The following PTK2 variants were observed in gnomAD, a reference collection of about 807,000 sequenced individuals.
PTK2 encodes protein tyrosine kinase 2.
A neutral mutation model predicts 150.1 loss-of-function variants in PTK2; 45 were observed. The observed-to-expected ratio is 0.30, with a 90% CI of 0.24 to 0.38. The LOEUF (loss-of-function observed/expected upper bound fraction) is 0.38, where lower values mean the gene tolerates loss of function less well. Ranked by LOEUF, PTK2 falls within the 10% of genes least tolerant of loss-of-function variation. PTK2 has a pLI of 1.00. For synonymous variants in PTK2, 432 were observed against 449.2 expected (o/e 0.96, Z 0.48); for missense variants, 919 against 1,307.3 (o/e 0.70, Z 4.58).
chr8:140,709,643 A>C (rs1319610518), intron 23 of PTK2, among the ~76,000 whole-genome samples: 1 of 152,210 alleles, frequency 6.6e-6, no homozygotes, highest in Non-Finnish European at 1.5e-5. Flanking sequence ...TAAATATGTT[A>C]ATATATGTCA....
chr8:140,725,480 T>A (rs778718017), intron 22 of PTK2, among the ~76,000 whole-genome samples: 3 of 152,188 alleles, frequency 2.0e-5, no homozygotes, highest in Non-Finnish European at 4.4e-5. Context: ...AGAACGGCAC[T>A]GGGTGGGTCC....
Position 140,744,709 on chromosome 8 carries a change from T to C in PTK2, c.1577A>G (p.Tyr526Cys). The stretch of plus-strand genomic sequence containing the variant: ...AAGAGCTGTACTAAGCTGATAGGCA[T>C]ACAGGATCAAAGATGCTAGATCCAA... The change falls in exon 19 of 32, where the codon TAT becomes TGT. Residue 526 changes from tyrosine to cysteine, a missense_variant. Tyr to Cys is a radical substitution (Grantham distance 194). Coordinates refer to ENST00000522684, the Ensembl canonical transcript of PTK2. 1 of 1,607,702 alleles carries C rather than the reference T, an allele frequency of 6.2e-7. No individual in the cohort carries two copies. Among genetic ancestry groups the C allele is most frequent in the Non-Finnish European group, 8.5e-7 (1 of 1,177,716 alleles).
rs201028978 is a variant in PTK2, at chr8:140,725,888, GA to G, written c.2031-8180del. Among the ~76,000 whole-genome samples the G allele has an allele frequency of 4.4e-3, 662 of 150,090 alleles. 5 individuals are homozygous for G. Among genetic ancestry groups the G allele is most frequent in the African/African-American group, 0.016 (638 of 40,976 alleles). On this transcript the variant is annotated intron_variant, in intron 22 of 31. Transcript: ENST00000522684. Reference sequence around the variant, plus strand: ...TAAAAATGTGACCCATTCTCAAGAGGAAAAAAAATTAAAGGAGGCTGATTCT... The same window carrying G: ...TAAAAATGTGACCCATTCTCAAGAGGAAAAAAATTAAAGGAGGCTGATTCT...
chr8:140,664,188 T>C (rs1445503330), intron 31 of PTK2, among the ~76,000 whole-genome samples: 3 of 152,344 alleles, frequency 2.0e-5, no homozygotes, highest in East Asian at 1.9e-4. Flanking sequence ...TTCATCATGT[T>C]GGCCAGGATG....
chr8:140,670,520 CACACACACACACACACACAT>C (rs2095124325), intron 29 of PTK2, among the ~76,000 whole-genome samples: 1 of 122,664 alleles, frequency 8.2e-6, no homozygotes, highest in East Asian at 2.5e-4. Context: ...CACACACACA[CACACACACACACACACACAT>C]TGGGAGCTTA....
At chr8:140,770,907 A>G (rs2154558301) in intron 14 of PTK2, 108 bp from the exon 15 acceptor site, 2 of 349,218 alleles carry the variant, frequency 5.7e-6, no homozygotes, top group Middle Eastern at 7.3e-4. Context: ...CAGATACAAA[A>G]TTGCAATGCT....
chr8:140,912,512 T>A (rs889786359), intron 2 of PTK2, among the ~76,000 whole-genome samples: 1 of 151,610 alleles, frequency 6.6e-6, no homozygotes, highest in Non-Finnish European at 1.5e-5. Flanking sequence ...CTATAATTCA[T>A]CACATTATAA....
upstream of PTK2, among the ~76,000 whole-genome samples, chr8:141,001,536 T>A (rs2154610606): frequency 6.6e-6 from 1 of 151,972 alleles, no homozygotes; most frequent in Non-Finnish European, 1.5e-5. Context: ...AGGAAAGCCC[T>A]GGTCTCGGGG....
intron 2 of PTK2, among the ~76,000 whole-genome samples, chr8:140,893,781 T>C (rs1398671827): frequency 1.3e-5 from 2 of 152,238 alleles, no homozygotes; most frequent in Admixed American, 6.5e-5. Context: ...TTTTATGTTA[T>C]GGGAATTTTA....
intron 1 of PTK2, among the ~76,000 whole-genome samples, chr8:140,953,193 C>A (rs1203709947): frequency 1.3e-5 from 2 of 151,898 alleles, no homozygotes; most frequent in East Asian, 1.9e-4. Flanking sequence ...TGCTCCTAGT[C>A]CCCCCCAGTA....
At chr8:140,921,666 A>C (rs932522087) in intron 2 of PTK2, among the ~76,000 whole-genome samples, 9 of 152,186 alleles carry the variant, frequency 5.9e-5, no homozygotes, top group African/African-American at 2.2e-4. Context: ...TAAAATCAAG[A>C]ATTTGAGGTA....
At chr8:140,826,085 T>C (rs2100111618) in intron 8 of PTK2, among the ~76,000 whole-genome samples, 1 of 152,096 alleles carries the variant, frequency 6.6e-6, no homozygotes, top group South Asian at 2.1e-4. Flanking sequence ...TCTACGAATA[T>C]AAATAGAAAG....
intron 14 of PTK2, among the ~76,000 whole-genome samples, chr8:140,773,932 C>G (rs533651636): frequency 6.6e-6 from 1 of 152,276 alleles, no homozygotes; most frequent in African/African-American, 2.4e-5. Flanking sequence ...AAGCCCCATA[C>G]TCCTGCCTCT....
rs57247522 is a variant in PTK2, at chr8:140,670,488, A to AACACACACAC, written c.2710-2074_2710-2065dup. The stretch of plus-strand genomic sequence containing the variant: ...AAAAAAAAAAAAAAAAAAAAACAAC[A>AACACACACAC]ACACACACACACACACACACACACA... On this transcript the variant is annotated intron_variant, in intron 29 of 31. Coordinates refer to ENST00000522684, the Ensembl canonical transcript of PTK2. Among the ~76,000 whole-genome samples, 144 of 38,966 alleles carry AACACACACAC rather than the reference A, an allele frequency of 3.7e-3. 4 individuals are homozygous for AACACACACAC. The highest frequency in any genetic ancestry group is 9.2e-3 in the African/African-American group (121 of 13,102). 25.6% of individuals were successfully genotyped at this position (38,966 alleles called of 152,430 possible).
At chr8:140,726,518 A>G (rs960029562) in intron 22 of PTK2, among the ~76,000 whole-genome samples, 1 of 152,206 alleles carries the variant, frequency 6.6e-6, no homozygotes, top group Non-Finnish European at 1.5e-5. Flanking sequence ...CCAGAGAAAA[A>G]CACACACTGC....
rs377287694 is a variant in PTK2 at position 140,731,865 on chromosome 8, C to T, written c.2030+3386G>A. On this transcript the variant is annotated intron_variant, in intron 22 of 31. Coordinates refer to ENST00000522684, the Ensembl canonical transcript of PTK2. ...TTGCAGGCAGCAGAGATGGTGCCAC[C>T]GCACTCTAGCCTGGGCAACAGAGGA... 1.2e-3 allele frequency among the ~76,000 whole-genome samples: 190 copies of T among 152,102 alleles called. 1 individual carries two copies. Among genetic ancestry groups the T allele is most frequent in the African/African-American group, 4.1e-3 (171 of 41,492 alleles).
At chr8:140,770,717 C>T (rs992413359) in intron 14 of PTK2, 6 of 1,328,564 alleles carry the variant, frequency 4.5e-6, no homozygotes, top group Admixed American at 2.0e-5. Context: ...GTGCAGTACC[C>T]GTAGAAGGAG....
In PTK2 at chr8:140,927,975, A is replaced by ATATATATATAT. The variant is rs1367767247; in HGVS notation, c.-121-2227_-121-2226insATATATATATA. Among the ~76,000 whole-genome samples the ATATATATATAT allele has an allele frequency of 3.0e-3, 146 of 48,152 alleles. 1 individual carries two copies. Among genetic ancestry groups the ATATATATATAT allele is most frequent in the East Asian group, 0.023 (28 of 1,218 alleles). The allele number at this position is 48,152 out of a possible 152,430, so 31.6% of individuals were successfully genotyped here. A position where few individuals can be genotyped will look rare whatever the true frequency, so the allele number is the denominator to read the frequency against. ...AAAAAAAAGAAAAAAAAAAAAAAAA[A>ATATATATATAT]ATATATATATATATATATGTATATA... is the stretch of plus-strand genomic sequence containing the variant. On this transcript the variant is annotated intron_variant, in intron 1 of 31. Coordinates refer to ENST00000522684, the Ensembl canonical transcript of PTK2.
At chr8:140,743,384 C>T (rs1460617132) in intron 19 of PTK2, 54 bp from the exon 23 acceptor site, 2 of 1,434,090 alleles carry the variant, frequency 1.4e-6, no homozygotes, top group Non-Finnish European at 2.0e-6. Flanking sequence ...AACAAACATA[C>T]AAGCTCATAT....
Sources: allele counts gnomAD v4.1 joint callset (sites outside exome capture counted in the v4.1 genomes callset), GRCh38; gene constraint gnomAD v4.1.1; transcripts MANE v1.5; gene names NCBI Gene and HGNC (gene_info 2026-07-23, HGNC 2026-07-21).